PITPNC1: variants seen among roughly 807,000 people sequenced by gnomAD.
PITPNC1 encodes phosphatidylinositol transfer protein cytoplasmic 1, also known as cytoplasmic phosphatidylinositol transfer protein 1.
Under a neutral mutation model 44.7 loss-of-function variants are expected in PITPNC1, and 18 were observed. The ratio of observed to expected loss-of-function variants is 0.40; its 90% CI spans 0.28 to 0.60. The LOEUF is 0.60. Ranked by LOEUF, PITPNC1 falls within the 20% of genes least tolerant of loss-of-function variation. The pLI, the probability that PITPNC1 is intolerant of heterozygous loss-of-function variation, is 0.39. For missense variants in PITPNC1, 290 were observed against 418.4 expected, an observed-to-expected ratio of 0.69 and a Z score of 2.68; for synonymous variants, 141 against 149.6, an observed-to-expected ratio of 0.94 and a Z score of 0.42.
intron 1 of PITPNC1, among the ~76,000 whole-genome samples, chr17:67,525,633 C>T (rs1273672447): frequency 1.3e-5 from 2 of 152,056 alleles, no homozygotes; most frequent in Non-Finnish European, 2.9e-5. Context: ...CATGAAGCAA[C>T]GGTGGGCCAG....
chr17:67,522,761 C>T (rs2040344336), intron 1 of PITPNC1, among the ~76,000 whole-genome samples: 1 of 150,220 alleles, frequency 6.7e-6, no homozygotes, highest in Non-Finnish European at 1.5e-5. Flanking sequence ...CTCCTGGGCT[C>T]AAGCGATCAT....
intron 5 of PITPNC1, among the ~76,000 whole-genome samples, chr17:67,610,311 A>G (rs533346985): frequency 6.6e-6 from 1 of 152,316 alleles, no homozygotes; most frequent in Non-Finnish European, 1.5e-5. Context: ...TGTTCTGTGC[A>G]AGGAACTTAA....
rs376222621 is a variant in PITPNC1 at position 67,644,260 on chromosome 17, A to G, written c.462+12022A>G. Among the ~76,000 whole-genome samples the G allele has an allele frequency of 5.9e-5, 9 of 152,104 alleles. No homozygotes were observed. The East Asian group carries it at 9.6e-4, about 16-fold the overall frequency. On this transcript the variant is annotated intron_variant, in intron 6 of 8. Coordinates refer to ENST00000581322, the MANE Select transcript of PITPNC1 (RefSeq NM_012417.4). ...GTACCCAAGGCAGTATTGCCATGCTATCTCTGTCTGCCACGAGCCTTCTTA... is the reference window on the plus strand; with the variant it reads ...GTACCCAAGGCAGTATTGCCATGCTGTCTCTGTCTGCCACGAGCCTTCTTA...
At chr17:67,528,239 G>A (rs1461528681) in intron 1 of PITPNC1, among the ~76,000 whole-genome samples, 1 of 152,018 alleles carries the variant, frequency 6.6e-6, no homozygotes, top group Admixed American at 6.6e-5. Context: ...ACGGGGTTTT[G>A]CCATGTTGGC....
intron 4 of PITPNC1, among the ~76,000 whole-genome samples, chr17:67,558,006 T>G (rs1254821053): frequency 6.6e-6 from 1 of 152,132 alleles, no homozygotes; most frequent in African/African-American, 2.4e-5. Flanking sequence ...CCAATGTCTC[T>G]TCTTGGAAAG....
chr17:67,589,434 T>C (rs2041361868), intron 5 of PITPNC1, among the ~76,000 whole-genome samples: 1 of 152,168 alleles, frequency 6.6e-6, no homozygotes, highest in Non-Finnish European at 1.5e-5. Context: ...CCTCCTCTGA[T>C]GTGCTAGTAT....
chr17:67,532,666 A>G, intron 1 of PITPNC1, 136 bp from the exon 2 acceptor site: 1 of 597,672 alleles, frequency 1.7e-6, no homozygotes. Flanking sequence ...GAAAAGTAAC[A>G]TGAGGCCCAT....
intron 4 of PITPNC1, among the ~76,000 whole-genome samples, chr17:67,576,764 G>A (rs535320302): frequency 6.6e-6 from 1 of 152,150 alleles, no homozygotes; most frequent in African/African-American, 2.4e-5. Flanking sequence ...TCTGTCCCTC[G>A]TGTGGACAAA....
intron 1 of PITPNC1, among the ~76,000 whole-genome samples, chr17:67,505,513 T>C (rs1358654009): frequency 6.6e-6 from 1 of 152,254 alleles, no homozygotes; most frequent in South Asian, 2.1e-4. Flanking sequence ...AAGTCTACTT[T>C]GTCTGATATT....
chr17:67,513,116 C>T (rs2040209140), intron 1 of PITPNC1, among the ~76,000 whole-genome samples: 1 of 152,092 alleles, frequency 6.6e-6, no homozygotes, highest in Non-Finnish European at 1.5e-5. Flanking sequence ...ATAATCCCAG[C>T]ACTTAGGGAG....
intron 1 of PITPNC1, among the ~76,000 whole-genome samples, chr17:67,468,360 C>T (rs1024330606): frequency 6.6e-5 from 10 of 150,836 alleles, no homozygotes; most frequent in Admixed American, 3.3e-4. Flanking sequence ...CTTGGGGAAG[C>T]CGTGGTGAAG....
intron 1 of PITPNC1, among the ~76,000 whole-genome samples, chr17:67,450,306 C>T (rs972247432): frequency 1.3e-5 from 2 of 151,988 alleles, no homozygotes; most frequent in Admixed American, 6.6e-5. Context: ...AAGAAATAGC[C>T]ACCTGAAAGT....
intron 1 of PITPNC1, among the ~76,000 whole-genome samples, chr17:67,440,130 A>G (rs1415438153): frequency 2.0e-5 from 3 of 152,218 alleles, no homozygotes; most frequent in African/African-American, 4.8e-5. Flanking sequence ...CCTTGGGCTC[A>G]AAATTTAAGA....
intron 1 of PITPNC1, among the ~76,000 whole-genome samples, chr17:67,472,595 C>G (rs1251778581): frequency 6.7e-6 from 1 of 149,194 alleles, no homozygotes; most frequent in Non-Finnish European, 1.5e-5. Flanking sequence ...TGCAGTAAGC[C>G]GAGATTGCAC....
rs1568047809 is a variant in PITPNC1, at chr17:67,575,854, CTTT to C, written c.295-2331_295-2329del. ...TCCTTCCTTCCTTCTTTCTTTCTTTCTTTCCTTCCTTCTTTCTTTCTTTCCTTT... is the reference window on the plus strand; with the variant it reads ...TCCTTCCTTCCTTCTTTCTTTCTTTCCCTTCCTTCTTTCTTTCTTTCCTTT... On this transcript the variant is annotated intron_variant, in intron 4 of 8. Transcript: ENST00000581322. 1.8e-4 allele frequency among the ~76,000 whole-genome samples: 13 copies of C among 72,164 alleles called. 1 individual carries two copies. Among genetic ancestry groups the C allele is most frequent in the Non-Finnish European group, 2.3e-4 (9 of 38,598 alleles). The allele number at this position is 72,164 out of a possible 152,430, so 47.3% of individuals were successfully genotyped here. A position where few individuals can be genotyped will look rare whatever the true frequency, so the allele number is the denominator to read the frequency against.
At chr17:67,606,258 G>C (rs1436110002) in intron 5 of PITPNC1, among the ~76,000 whole-genome samples, 1 of 152,168 alleles carries the variant, frequency 6.6e-6, no homozygotes, top group Non-Finnish European at 1.5e-5. Flanking sequence ...AGAGACAAGA[G>C]GGAAAAGACA....
intron 1 of PITPNC1, among the ~76,000 whole-genome samples, chr17:67,399,776 G>A (rs62084083): frequency 0.26 from 39,261 of 152,054 alleles, 5,372 homozygotes; most frequent in African/African-American, 0.34. Flanking sequence ...CTTTTCATTT[G>A]ATGAAACACC....
intron 6 of PITPNC1, among the ~76,000 whole-genome samples, chr17:67,639,150 T>C (rs2042066615): frequency 1.0e-5 from 1 of 97,340 alleles, no homozygotes; most frequent in Non-Finnish European, 1.9e-5. Flanking sequence ...GAATCCAAAC[T>C]GCACCACAAC....
chr17:67,616,878 C>T (rs926714554), intron 5 of PITPNC1, among the ~76,000 whole-genome samples: 4 of 152,146 alleles, frequency 2.6e-5, no homozygotes, highest in African/African-American at 9.7e-5. Context: ...AGATGAGCCA[C>T]GCCTGAAGTT....
Sources: gnomAD v4.1 joint callset for allele counts (sites outside exome capture counted in the v4.1 genomes callset) on GRCh38, gnomAD v4.1.1 for gene constraint, MANE v1.5 for transcripts, NCBI Gene and HGNC (gene_info 2026-07-23, HGNC 2026-07-21) for gene names.